FHOD3: variants seen among roughly 807,000 people sequenced by gnomAD.
The protein encoded by FHOD3 is FH1/FH2 domain-containing protein 3.
In FHOD3, 90 loss-of-function variants were observed where a neutral mutation model predicts 173.0. The ratio of observed to expected loss-of-function variants is 0.52; its 90% CI spans 0.44 to 0.62. FHOD3 has a LOEUF of 0.62. FHOD3 is among the 20% of genes least tolerant of loss of function. The pLI, the probability that FHOD3 is intolerant of heterozygous loss-of-function variation, is 0.00. For missense variants in FHOD3, 1,945 were observed against 2,034.7 expected (o/e 0.96, Z 0.85); for synonymous variants, 828 against 823.0 (o/e 1.01, Z -0.10).
chr18:36,372,217 G>C (rs1230188021), intron 2 of FHOD3, among the ~76,000 whole-genome samples: 1 of 152,188 alleles, frequency 6.6e-6, no homozygotes, highest in Non-Finnish European at 1.5e-5. Context: ...AGCCAACACA[G>C]TCTTGAATTG....
chr18:36,693,750 G>T (rs1433355462), intron 17 of FHOD3, among the ~76,000 whole-genome samples: 1 of 152,152 alleles, frequency 6.6e-6, no homozygotes, highest in Admixed American at 6.5e-5. Flanking sequence ...TGAGATGTGG[G>T]TCTGCCCAAT....
At chr18:36,613,881 C>T (rs1429885304) in intron 9 of FHOD3, among the ~76,000 whole-genome samples, 1 of 152,022 alleles carries the variant, frequency 6.6e-6, no homozygotes, top group African/African-American at 2.4e-5. Flanking sequence ...CCATATGGGC[C>T]CGATTAGTCT....
At chr18:36,543,868 A>G (rs2057318096) in intron 5 of FHOD3, among the ~76,000 whole-genome samples, 1 of 152,246 alleles carries the variant, frequency 6.6e-6, no homozygotes, top group Admixed American at 6.5e-5. Flanking sequence ...AAAAAAGATC[A>G]TATTTCTAAT....
At chr18:36,568,654 A>G (rs1004701249) in intron 5 of FHOD3, among the ~76,000 whole-genome samples, 2 of 152,192 alleles carry the variant, frequency 1.3e-5, no homozygotes, top group Non-Finnish European at 2.9e-5. Flanking sequence ...CTGAAAACTG[A>G]ACTGATATTA....
chr18:36,340,845 G>A (rs553599972), intron 1 of FHOD3, among the ~76,000 whole-genome samples: 1 of 152,134 alleles, frequency 6.6e-6, no homozygotes, highest in South Asian at 2.1e-4. Context: ...CACCGTGTTA[G>A]CCAGGATGGT....
chr18:36,380,770 C>G (rs1342033714), intron 3 of FHOD3, among the ~76,000 whole-genome samples: 1 of 151,864 alleles, frequency 6.6e-6, no homozygotes, highest in Non-Finnish European at 1.5e-5. Context: ...GAGATAAACT[C>G]TACAAGAAAG....
chr18:36,689,752 C>A (rs2038845752), intron 16 of FHOD3, among the ~76,000 whole-genome samples: 2 of 151,900 alleles, frequency 1.3e-5, no homozygotes, highest in African/African-American at 4.8e-5. Context: ...GACAGCAGGG[C>A]ATGGAGAAGA....
intron 3 of FHOD3, among the ~76,000 whole-genome samples, chr18:36,426,341 A>T (rs2050243118): frequency 6.6e-6 from 1 of 152,186 alleles, no homozygotes; most frequent in African/African-American, 2.4e-5. Flanking sequence ...GTAATTGGTG[A>T]ACCTGGGACT....
chr18:36,550,243 C>CATATATATATATATATATAT (rs371573246), intron 5 of FHOD3, among the ~76,000 whole-genome samples: 83 of 120,680 alleles, frequency 6.9e-4, no homozygotes, highest in African/African-American at 1.6e-3. Flanking sequence ...AGTGGTAGAC[C>CATATATATATATATATATAT]ATATATATAT....
At chr18:36,318,651 A>G (rs1312563782) in intron 1 of FHOD3, among the ~76,000 whole-genome samples, 1 of 152,226 alleles carries the variant, frequency 6.6e-6, no homozygotes, top group African/African-American at 2.4e-5. Context: ...TTTTCTAAAT[A>G]TACAATCATG....
intron 27 of FHOD3, among the ~76,000 whole-genome samples, chr18:36,766,614 T>G (rs2043149135): frequency 6.6e-6 from 1 of 152,146 alleles, no homozygotes; most frequent in African/African-American, 2.4e-5. Flanking sequence ...GCAGTGAGGA[T>G]ATAACCAAGA....
chr18:36,671,694 T>C (rs935665239), intron 14 of FHOD3, among the ~76,000 whole-genome samples: 1 of 152,198 alleles, frequency 6.6e-6, no homozygotes, highest in African/African-American at 2.4e-5. Context: ...TGCTACAACA[T>C]GTGTTTTTGT....
chr18:36,394,501 T>C (rs1425174881), intron 3 of FHOD3, among the ~76,000 whole-genome samples: 4 of 152,192 alleles, frequency 2.6e-5, no homozygotes, highest in African/African-American at 9.7e-5. Flanking sequence ...ATGCATGTTT[T>C]GAAAACCTAG....
At chr18:36,351,539 T>C (rs1250201331) in intron 1 of FHOD3, among the ~76,000 whole-genome samples, 1 of 152,236 alleles carries the variant, frequency 6.6e-6, no homozygotes, top group Admixed American at 6.5e-5. Context: ...GAAGTGATTA[T>C]GTGTTCCTTG....
chr18:36,522,022 C>T (rs531586474), intron 5 of FHOD3, among the ~76,000 whole-genome samples: 2 of 152,326 alleles, frequency 1.3e-5, no homozygotes, highest in African/African-American at 2.4e-5. Context: ...GAGATCTTCC[C>T]TGGTTCCCGA....
chr18:36,521,354 A>G (rs1377828801), intron 5 of FHOD3, among the ~76,000 whole-genome samples: 3 of 152,134 alleles, frequency 2.0e-5, no homozygotes, highest in Non-Finnish European at 4.4e-5. Flanking sequence ...TTGCACCAGT[A>G]TCTCCATCTC....
intron 19 of FHOD3, 128 bp downstream of exon 19, chr18:36,718,843 A>G: frequency 1.4e-6 from 2 of 1,449,788 alleles, no homozygotes; most frequent in Admixed American, 2.4e-5. Flanking sequence ...TGAAAATTTG[A>G]TCTTTAATAT....
Position 36,780,204 on chromosome 18 carries a change from A to C in FHOD3, c.*674A>C, listed in dbSNP as rs1050061572. 50 of 1,231,416 alleles carry C rather than the reference A, an allele frequency of 4.1e-5. No homozygotes were observed. Among genetic ancestry groups the C allele is most frequent in the Non-Finnish European group, 5.0e-5 (49 of 987,766 alleles). 76.3% of individuals were successfully genotyped at this position (1,231,416 alleles called of 1,614,324 possible). On this transcript the variant is annotated 3_prime_UTR_variant, in exon 29 of 29. Coordinates refer to ENST00000590592, the MANE Select transcript of FHOD3 (RefSeq NM_001281740.3). ...ATCCTTTGGGCTGTATTTTGTTAAT[A>C]GAGTGAGTAACATCAACAGTGTGCT...
At chr18:36,600,516 T>C (rs1171780974) in intron 7 of FHOD3, among the ~76,000 whole-genome samples, 21 of 152,224 alleles carry the variant, frequency 1.4e-4, no homozygotes, top group Admixed American at 1.4e-3. Flanking sequence ...ATAAAAAGAA[T>C]GAACATCCAT....
Sources: allele counts gnomAD v4.1 joint callset (sites outside exome capture counted in the v4.1 genomes callset), GRCh38; gene constraint gnomAD v4.1.1; transcripts MANE v1.5; gene names NCBI Gene and HGNC (gene_info 2026-07-23, HGNC 2026-07-21).